The following DYNC1I1 variants were observed in gnomAD, a reference collection of about 807,000 sequenced individuals.
DYNC1I1 encodes the protein dynein cytoplasmic 1 intermediate chain 1.
Under a neutral mutation model 86.6 loss-of-function variants are expected in DYNC1I1, and 43 were observed. That is an observed-to-expected ratio of 0.50 (90% CI 0.39 to 0.64). DYNC1I1 has a LOEUF of 0.64. Among genes scored for constraint, DYNC1I1 ranks in the 30% least tolerant of loss-of-function variants. DYNC1I1 has a pLI of 0.00. For synonymous variants in DYNC1I1, 262 were observed against 283.7 expected (o/e 0.92, Z 0.77); for missense variants, 604 against 788.8 (o/e 0.77, Z 2.81).
chr7:95,844,921 A>T (rs1288586712), intron 5 of DYNC1I1, among the ~76,000 whole-genome samples: 1 of 152,186 alleles, frequency 6.6e-6, no homozygotes, highest in East Asian at 1.9e-4. Flanking sequence ...TCCTAACCTG[A>T]TGACCTTTCA....
At chr7:95,898,570 G>T (rs1373039140) in intron 6 of DYNC1I1, among the ~76,000 whole-genome samples, 1 of 152,160 alleles carries the variant, frequency 6.6e-6, no homozygotes, top group Non-Finnish European at 1.5e-5. Context: ...AAATTCAGAC[G>T]TGGGTAAAAT....
chr7:95,829,349 G>A (rs915192381), intron 5 of DYNC1I1, among the ~76,000 whole-genome samples: 6 of 152,100 alleles, frequency 3.9e-5, no homozygotes, highest in East Asian at 1.9e-4. Context: ...GGTAACCGAT[G>A]CACTATTTCT....
At chr7:96,094,308 T>G (rs1038399179) in intron 16 of DYNC1I1, among the ~76,000 whole-genome samples, 59 of 152,182 alleles carry the variant, frequency 3.9e-4, no homozygotes, top group African/African-American at 1.4e-3. Context: ...GTAAGAAACA[T>G]GAACAAAGAT....
At chr7:95,816,556 G>T (rs1214727217) in intron 4 of DYNC1I1, among the ~76,000 whole-genome samples, 2 of 152,102 alleles carry the variant, frequency 1.3e-5, no homozygotes, top group Admixed American at 1.3e-4. Flanking sequence ...ATTAATCATT[G>T]CTCAGTTAAT....
At chr7:95,988,447 T>G (rs1397677739) in intron 9 of DYNC1I1, among the ~76,000 whole-genome samples, 3 of 152,230 alleles carry the variant, frequency 2.0e-5, no homozygotes, top group Admixed American at 2.0e-4. Context: ...CCCATCAGTG[T>G]GGCATTCAGA....
At chr7:96,033,560 G>A (rs1794863913) in intron 12 of DYNC1I1, among the ~76,000 whole-genome samples, 1 of 152,186 alleles carries the variant, frequency 6.6e-6, no homozygotes, top group Non-Finnish European at 1.5e-5. Flanking sequence ...AGAAGTCATT[G>A]TTATAGACTT....
At chr7:95,828,582 A>C (rs1326367241) in intron 5 of DYNC1I1, among the ~76,000 whole-genome samples, 1 of 152,128 alleles carries the variant, frequency 6.6e-6, no homozygotes, top group African/African-American at 2.4e-5. Context: ...AATTTGAATT[A>C]AGTTTGAACA....
intron 9 of DYNC1I1, among the ~76,000 whole-genome samples, chr7:95,989,462 C>T (rs536887518): frequency 6.6e-6 from 1 of 152,316 alleles, no homozygotes; most frequent in African/African-American, 2.4e-5. Context: ...CCTGAGGAAA[C>T]ACTTAGCTCA....
chr7:95,852,795 C>G (rs941733943), intron 5 of DYNC1I1, among the ~76,000 whole-genome samples: 3 of 152,130 alleles, frequency 2.0e-5, no homozygotes, highest in Admixed American at 1.3e-4. Context: ...CGTGAGCCAC[C>G]GCACCCGGTG....
rs3047672 is a variant in DYNC1I1 at position 96,077,239 on chromosome 7, TTGTGTGTGTGTGTG to T, written c.1650+1067_1650+1080del. On this transcript the variant is annotated intron_variant, in intron 15 of 16. Coordinates refer to ENST00000447467, the MANE Select transcript of DYNC1I1 (RefSeq NM_001135556.2). The stretch of plus-strand genomic sequence containing the variant: ...GAGGAGGAGCACACTTCCCTAGTAT[TTGTGTGTGTGTGTG>T]TGTGTGTGTGTGTGTGTGTGTGTGG... 6.2e-5 allele frequency among the ~76,000 whole-genome samples: 9 copies of T among 144,434 alleles called. No individual in the cohort carries two copies. The South Asian group carries it at 8.9e-4, about 14-fold the overall frequency. The allele number at this position is 144,434 out of a possible 152,430, so 94.8% of individuals were successfully genotyped here. A position where few individuals can be genotyped will look rare whatever the true frequency, so the allele number is the denominator to read the frequency against.
chr7:95,841,179 G>T (rs1482568563), intron 5 of DYNC1I1, among the ~76,000 whole-genome samples: 1 of 152,158 alleles, frequency 6.6e-6, no homozygotes, highest in Non-Finnish European at 1.5e-5. Context: ...AAATTTAAAG[G>T]TCTAGATGGG....
chr7:95,835,415 G>A (rs1789050795), intron 5 of DYNC1I1, among the ~76,000 whole-genome samples: 1 of 149,774 alleles, frequency 6.7e-6, no homozygotes, highest in African/African-American at 2.5e-5. Context: ...TTTGGAATAG[G>A]TGTGGTGTGG....
chr7:95,999,584 C>T (rs377308565), intron 10 of DYNC1I1, among the ~76,000 whole-genome samples: 131 of 152,290 alleles, frequency 8.6e-4, no homozygotes, highest in African/African-American at 2.9e-3. Flanking sequence ...TTGCTGCACA[C>T]GGCCTCAGCT....
intron 16 of DYNC1I1, among the ~76,000 whole-genome samples, chr7:96,087,264 G>C (rs1266415350): frequency 6.6e-6 from 1 of 152,156 alleles, no homozygotes; most frequent in Non-Finnish European, 1.5e-5. Flanking sequence ...ACTTAGATTT[G>C]GGAGGTTAAT....
intron 6 of DYNC1I1, 22 bp from the exon 7 acceptor site, chr7:95,977,490 T>C: frequency 6.2e-7 from 1 of 1,607,128 alleles, no homozygotes; most frequent in Non-Finnish European, 8.5e-7. Context: ...AAATATTGTA[T>C]TTTTCTCTTT....
Position 95,943,432 on chromosome 7 carries a change from A to G in DYNC1I1, c.491-34080A>G, listed in dbSNP as rs1305347443. Among the ~76,000 whole-genome samples the G allele has an allele frequency of 4.6e-5, 7 of 151,574 alleles. 1 individual carries two copies. In the South Asian group the frequency reaches 1.3e-3, roughly 27 times the overall value. ...ATGGGTAGGAGGAATCAATATCGTG[A>G]AAATGGCCATACTGCCCAAGGTAAT... On this transcript the variant is annotated intron_variant, in intron 6 of 16. Coordinates refer to ENST00000447467, the MANE Select transcript of DYNC1I1 (RefSeq NM_001135556.2).
intron 14 of DYNC1I1, among the ~76,000 whole-genome samples, chr7:96,041,276 A>G (rs1789039652): frequency 6.6e-6 from 1 of 152,210 alleles, no homozygotes; most frequent in African/African-American, 2.4e-5. Context: ...CAAGTTGAGA[A>G]ACATATTTCC....
At chr7:95,779,002 A>G (rs1255900944) in intron 1 of DYNC1I1, among the ~76,000 whole-genome samples, 4 of 152,072 alleles carry the variant, frequency 2.6e-5, no homozygotes, top group Non-Finnish European at 5.9e-5. Context: ...AGCCAGGAGC[A>G]ATTGTCTTCT....
chr7:96,049,961 G>A (rs1789349261), intron 14 of DYNC1I1, among the ~76,000 whole-genome samples: 1 of 151,552 alleles, frequency 6.6e-6, no homozygotes, highest in African/African-American at 2.4e-5. Flanking sequence ...TGAACCTGGA[G>A]GGCACAGGTT....
Sources: allele counts gnomAD v4.1 joint callset (sites outside exome capture counted in the v4.1 genomes callset), GRCh38; gene constraint gnomAD v4.1.1; transcripts MANE v1.5; gene names NCBI Gene and HGNC (gene_info 2026-07-23, HGNC 2026-07-21).